The following KDR variants were observed in gnomAD, a reference collection of about 807,000 sequenced individuals.
KDR encodes the protein kinase insert domain receptor.
Under a neutral mutation model 160.9 loss-of-function variants are expected in KDR, and 43 were observed. The observed-to-expected ratio is 0.27, with a 90% CI of 0.21 to 0.34. KDR has a LOEUF of 0.34. KDR is among the 10% of genes least tolerant of loss of function. The probability of loss-of-function intolerance (pLI) is 1.00; values close to 1 mark genes in which losing one functional copy is unlikely to be tolerated. For synonymous variants in KDR, 617 were observed against 600.1 expected (o/e 1.03, Z -0.41); for missense variants, 1,469 against 1,666.4 (o/e 0.88, Z 2.06).
intron 21 of KDR, among the ~76,000 whole-genome samples, chr4:55,093,032 G>GT (rs1292046748): frequency 1.3e-5 from 2 of 152,098 alleles, no homozygotes; most frequent in East Asian, 3.9e-4. Flanking sequence ...CACTTACACT[G>GT]TTTTTTGTCA....
At chr4:55,112,920 T>C (rs567764599) in intron 7 of KDR, among the ~76,000 whole-genome samples, 107 of 152,350 alleles carry the variant, frequency 7.0e-4, no homozygotes, top group African/African-American at 2.4e-3. Context: ...GTCAACTGTA[T>C]ATTGCTAAAT....
Position 55,102,036 on chromosome 4 carries a change from A to G in KDR, c.2135-8T>C. The G allele has an allele frequency of 6.2e-7, 1 of 1,613,566 alleles. No individual in the cohort carries two copies. Among genetic ancestry groups the G allele is most frequent in the Non-Finnish European group, 8.5e-7 (1 of 1,179,616 alleles). On this transcript the variant is annotated splice_polypyrimidine_tract_variant and splice_region_variant and intron_variant, in intron 14 of 29. Transcript: ENST00000263923. ...CATCCTTCAATACAATGCCTAACAG[A>G]GGAAGAAAACGATCATTCTCATTTA...
At chr4:55,124,682 G>A (rs1231359368) in intron 1 of KDR, among the ~76,000 whole-genome samples, 1 of 94,786 alleles carries the variant, frequency 1.1e-5, no homozygotes, top group African/African-American at 4.1e-5. Context: ...GTTTCTCTCC[G>A]CTCCAGACCC....
chr4:55,121,529 G>GTT, intron 1 of KDR, among the ~76,000 whole-genome samples: 3 of 152,204 alleles, frequency 2.0e-5, no homozygotes, highest in African/African-American at 2.4e-5. Flanking sequence ...ACTCCCTTGG[G>GTT]AAAGGACCCA....
intron 9 of KDR, among the ~76,000 whole-genome samples, chr4:55,109,154 C>T (rs185337315): frequency 6.6e-6 from 1 of 152,106 alleles, no homozygotes; most frequent in East Asian, 1.9e-4. Context: ...GCGATCTCGG[C>T]TATCTGCAAC....
chr4:55,125,311 G>A lies in KDR; in HGVS notation c.-18C>T, dbSNP rs774079315. The A allele has an allele frequency of 1.2e-6, 2 of 1,607,314 alleles. No homozygotes were observed. The highest frequency in any genetic ancestry group is 3.4e-5 in the Admixed American group (2 of 59,212). Reference sequence around the variant, plus strand: ...CTCTGCATCCTGCACCTCGAGCCGGGCGAAATGCCCAGAACTCGGGAGCCG... The same window carrying A: ...CTCTGCATCCTGCACCTCGAGCCGGACGAAATGCCCAGAACTCGGGAGCCG... On this transcript the variant is annotated 5_prime_UTR_variant, in exon 1 of 30. Transcript: ENST00000263923.
intron 15 of KDR, among the ~76,000 whole-genome samples, chr4:55,101,095 A>G (rs760165629): frequency 2.0e-5 from 3 of 152,228 alleles, no homozygotes; most frequent in African/African-American, 7.2e-5. Context: ...CTCTAGTCCA[A>G]TTAAAACTCG....
At position 55,115,025 on chromosome 4, in the gene KDR, T is replaced by A. The variant is rs1013846045; in HGVS notation, c.507A>T (p.Arg169Ser). ...VSLCARYPEK[R>S]FVPDGNRISW... is the part of the protein sequence containing the mutation. Reference sequence around the variant, plus strand: ...AAATTCTGTTACCATCAGGAACAAATCTCTTTTCTGGGTATCTCTGGGTAA... The same window carrying A: ...AAATTCTGTTACCATCAGGAACAAAACTCTTTTCTGGGTATCTCTGGGTAA... Residue 169 changes from arginine to serine, a missense_variant, in exon 5 of 30, where the codon AGA (arginine) becomes AGT (serine). Physicochemically the swap from Arg to Ser is moderately radical, Grantham distance 110. Around this residue, in one of 7 missense-constraint regions of KDR, gnomAD observed 792 missense variants for 840.9 expected, o/e 0.94. Transcript: ENST00000263923. The A allele has an allele frequency of 6.2e-7, 1 of 1,613,534 alleles. No homozygotes were observed. The highest frequency in any genetic ancestry group is 8.5e-7 in the Non-Finnish European group (1 of 1,179,552).
At position 55,115,061 on chromosome 4, in the gene KDR, T is replaced by C. The variant is rs1171100333; in HGVS notation, c.490-19A>G. The C allele has an allele frequency of 1.9e-6, 3 of 1,600,658 alleles. No homozygotes were observed. The highest frequency in any genetic ancestry group is 1.3e-5 in the African/African-American group (1 of 74,744). On this transcript the variant is annotated intron_variant, in intron 4 of 29. Coordinates refer to ENST00000263923, the MANE Select transcript of KDR (RefSeq NM_002253.4). ...GGTATCTCTGGGTAATAAAAAGACA[T>C]ATCAAATATTTAATCCAGTACCAAA...
chr4:55,095,673 C>CA lies in KDR; in HGVS notation c.2729-9dup. On this transcript the variant is annotated splice_polypyrimidine_tract_variant and intron_variant, in intron 19 of 29. Coordinates refer to ENST00000263923, the MANE Select transcript of KDR (RefSeq NM_002253.4). ...CAATCACCATGAGTGGCCCTGCAGG[C>CA]AGCATGTCCAGGAAGGAAAATGGGT... The CA allele has an allele frequency of 6.2e-7, 1 of 1,608,588 alleles. No individual in the cohort carries two copies. Among genetic ancestry groups the CA allele is most frequent in the South Asian group, 1.1e-5 (1 of 90,956 alleles).
chr4:55,080,851 T>A (rs1257218380), intron 29 of KDR, among the ~76,000 whole-genome samples: 2 of 152,190 alleles, frequency 1.3e-5, no homozygotes, highest in East Asian at 3.8e-4. Context: ...GATTTACACT[T>A]TCACAAGCCA....
At chr4:55,080,384 T>C (rs1193916901) in intron 29 of KDR, among the ~76,000 whole-genome samples, 1 of 152,182 alleles carries the variant, frequency 6.6e-6, no homozygotes, top group Admixed American at 6.5e-5. Context: ...CTTACTCAGG[T>C]CCAAGTCTTT....
chr4:55,121,153 G>A lies in KDR; in HGVS notation c.105C>T (p.Ser35=), dbSNP rs2110036375. 2 of 1,613,662 alleles carry A rather than the reference G, an allele frequency of 1.2e-6. No individual in the cohort carries two copies. Among genetic ancestry groups the A allele is most frequent in the Non-Finnish European group, 1.7e-6 (2 of 1,179,700 alleles). ...PSVSLDLPRL[S]IQKDILTIKA... is the part of the protein sequence containing the mutation. ...TAATTGTAAGTATGTCTTTTTGTATGCTGAGCCTGGGCAGATCAAGAGAAA... is the reference window on the plus strand; with the variant it reads ...TAATTGTAAGTATGTCTTTTTGTATACTGAGCCTGGGCAGATCAAGAGAAA... Residue 35 remains serine, a synonymous_variant, in exon 2 of 30, where the codon AGC becomes AGT. Transcript: ENST00000263923.
chr4:55,124,688 G>A (rs1471043245), intron 1 of KDR, among the ~76,000 whole-genome samples: 3 of 44,274 alleles, frequency 6.8e-5, no homozygotes, highest in Non-Finnish European at 1.4e-4. Flanking sequence ...CTCCGCTCCA[G>A]ACCCCACTTC....
chr4:55,122,072 A>G (rs748440524), intron 1 of KDR, among the ~76,000 whole-genome samples: 4 of 152,194 alleles, frequency 2.6e-5, no homozygotes, highest in Non-Finnish European at 4.4e-5. Context: ...AATGAATTAC[A>G]ATTGGGAGAT....
intron 24 of KDR, 100 bp from the exon 25 acceptor site, chr4:55,089,573 T>TC: frequency 7.3e-7 from 1 of 1,361,800 alleles, no homozygotes; most frequent in Non-Finnish European, 1.0e-6. Context: ...TGTATCTATT[T>TC]TTTTTTTCAA....
chr4:55,107,472 C>T (rs532133941), intron 10 of KDR, among the ~76,000 whole-genome samples: 1 of 152,270 alleles, frequency 6.6e-6, no homozygotes, highest in Non-Finnish European at 1.5e-5. Flanking sequence ...AATTAGCAAA[C>T]TGAGCAAATA....
intron 15 of KDR, among the ~76,000 whole-genome samples, chr4:55,099,743 G>A (rs1720262300): frequency 6.6e-6 from 1 of 152,168 alleles, no homozygotes; most frequent in Non-Finnish European, 1.5e-5. Flanking sequence ...AGACCAGAGA[G>A]CTTAAGCTAC....
chr4:55,122,553 C>G (rs1372757507), intron 1 of KDR, among the ~76,000 whole-genome samples: 1 of 152,076 alleles, frequency 6.6e-6, no homozygotes, highest in Non-Finnish European at 1.5e-5. Context: ...CTGAGGATCC[C>G]AATATGAACA....
Sources: gnomAD v4.1 joint callset for allele counts (sites outside exome capture counted in the v4.1 genomes callset) on GRCh38, gnomAD v4.1.1 for gene constraint, gnomAD v4.1.1 regional missense constraint, MANE v1.5 for transcripts, NCBI Gene and HGNC (gene_info 2026-07-23, HGNC 2026-07-21) for gene names.